The following CTSB variants were observed in gnomAD, a reference collection of about 807,000 sequenced individuals.
CTSB encodes APP secretase.
CTSB carries 57 observed loss-of-function variants against 44.3 expected under a neutral mutation model. The observed-to-expected ratio is 1.29, with a 90% CI of 1.04 to 1.60. The LOEUF is 1.60. Among genes scored for constraint, CTSB ranks in the 40% most tolerant of loss-of-function variants. The pLI is 0.00. For missense variants in CTSB, 768 were observed against 443.0 expected (o/e 1.73, Z -6.59); for synonymous variants, 320 against 168.0 (o/e 1.91, Z -7.00).
intron 2 of CTSB, among the ~76,000 whole-genome samples, chr8:11,853,095 GCACA>G (rs1814892112): frequency 6.6e-6 from 1 of 152,062 alleles, no homozygotes; most frequent in Non-Finnish European, 1.5e-5. Context: ...ACCTCCACGT[GCACA>G]CAACCATATA....
At chr8:11,849,303 C>A (rs55820571) in intron 4 of CTSB, 139 bp from the exon 5 acceptor site, 2 of 578,976 alleles carry the variant, frequency 3.5e-6, no homozygotes, top group Non-Finnish European at 6.2e-6. Flanking sequence ...TCCTGGGGCT[C>A]AAACTCAGCT....
chr8:11,845,778 G>A lies in CTSB; in HGVS notation c.805C>T (p.His269Tyr). Reference protein sequence around the residue: ...FLLYKSGVYQHVTGEMMGGHA... With the variant: ...FLLYKSGVYQYVTGEMMGGHA... ...CCACCCATCATCTCTCCGGTGACGT[G>A]TTGGTACACTCCTGAAAAGGGAAGA... The change falls in exon 9 of 10, where the codon CAC (histidine) becomes TAC (tyrosine). Residue 269 changes from histidine to tyrosine, a missense_variant. By Grantham distance (83) the His-to-Tyr change is moderately conservative. Coordinates refer to ENST00000353047, the MANE Select transcript of CTSB (RefSeq NM_001908.5). 1.2e-6 allele frequency: 2 copies of A among 1,613,618 alleles called. No individual in the cohort carries two copies.
At chr8:11,860,165 G>C (rs1259259915) in intron 1 of CTSB, among the ~76,000 whole-genome samples, 2 of 152,206 alleles carry the variant, frequency 1.3e-5, no homozygotes, top group African/African-American at 4.8e-5. Flanking sequence ...AAGGAGACAG[G>C]ATATGTACAC....
Position 11,845,168 on chromosome 8 carries a change from A to C in CTSB, c.977T>G (p.Val326Gly). The C allele has an allele frequency of 6.2e-7, 1 of 1,614,092 alleles. No homozygotes were observed. Among genetic ancestry groups the C allele is most frequent in the Non-Finnish European group, 8.5e-7 (1 of 1,179,938 alleles). ...CTGATCGGTGCGTGGAATTCCAGCCACCACTTCTGATTCGATTCCACAGTG... is the reference window on the plus strand; with the variant it reads ...CTGATCGGTGCGTGGAATTCCAGCCCCCACTTCTGATTCGATTCCACAGTG... Reference protein sequence around the residue: ...QDHCGIESEVVAGIPRTDQYW... With the variant: ...QDHCGIESEVGAGIPRTDQYW... Residue 326 changes from valine (V) to glycine (G), a missense_variant, in exon 10 of 10, where the codon GTG becomes GGG. By Grantham distance (109) the Val-to-Gly change is moderately radical. Coordinates refer to ENST00000353047, the MANE Select transcript of CTSB (RefSeq NM_001908.5).
chr8:11,844,496 TAAG>T lies in CTSB; in HGVS notation c.*626_*628del, dbSNP rs1284500734. ...CTTGGTTTCCTTTTGAGCCGCGTCA[TAAG>T]GAGGCAATCTGTAAAACTAGCACAG... On this transcript the variant is annotated 3_prime_UTR_variant, in exon 10 of 10. Transcript: ENST00000353047. The T allele has an allele frequency of 1.3e-5, 2 of 152,370 alleles. No individual in the cohort carries two copies. Among genetic ancestry groups the T allele is most frequent in the South Asian group, 2.1e-4 (1 of 4,824 alleles). 9.4% of individuals were successfully genotyped at this position (152,370 alleles called of 1,614,324 possible).
intron 3 of CTSB, among the ~76,000 whole-genome samples, chr8:11,851,312 C>T (rs891946097): frequency 6.6e-6 from 1 of 152,102 alleles, no homozygotes; most frequent in African/African-American, 2.4e-5. Context: ...GCCTCAGCCT[C>T]CTGAGTAGCT....
intron 1 of CTSB, chr8:11,853,728 G>A (rs58164566): frequency 0.12 from 49,182 of 418,954 alleles, 3,386 homozygotes; most frequent in African/African-American, 0.19. Context: ...TGTGCTGGAC[G>A]AGACCGAGTC....
In CTSB at chr8:11,844,800, C is replaced by G. The variant is rs1167170506; in HGVS notation, c.*325G>C. The G allele has an allele frequency of 3.7e-6, 1 of 267,892 alleles. No homozygotes were observed. Among genetic ancestry groups the G allele is most frequent in the East Asian group, 7.1e-5 (1 of 14,118 alleles). The allele number at this position is 267,892 out of a possible 1,614,324, so 16.6% of individuals were successfully genotyped here. A position where few individuals can be genotyped will look rare whatever the true frequency, so the allele number is the denominator to read the frequency against. The stretch of plus-strand genomic sequence containing the variant: ...CCTGTTAGGAACTCCGCTTTCCATT[C>G]CTGCGTCTCTGTCTTGCTCCCTGGA... On this transcript the variant is annotated 3_prime_UTR_variant, in exon 10 of 10. Transcript: ENST00000353047.
In CTSB at chr8:11,845,736, G is replaced by C. The variant is rs1255804208; in HGVS notation, c.847C>G (p.Leu283Val). 8 of 1,614,126 alleles carry C rather than the reference G, an allele frequency of 5.0e-6. No individual in the cohort carries two copies. Among genetic ancestry groups the C allele is most frequent in the Non-Finnish European group, 6.8e-6 (8 of 1,179,970 alleles). ...GTGCCATTCTCCACTCCCCAGCCCA[G>C]GATGCGGATGGCATGGCCACCCATC... ...EMMGGHAIRILGWGVENGTPY... is the reference protein window; with the variant it reads ...EMMGGHAIRIVGWGVENGTPY... The change falls in exon 9 of 10, where the codon CTG (leucine) becomes GTG (valine). Residue 283 changes from leucine to valine, a missense_variant. Physicochemically the swap from Leu to Val is conservative, Grantham distance 32 (BLOSUM62 1). Transcript: ENST00000353047.
At chr8:11,859,014 G>C (rs1161502217) in intron 1 of CTSB, among the ~76,000 whole-genome samples, 3 of 152,242 alleles carry the variant, frequency 2.0e-5, no homozygotes, top group South Asian at 4.2e-4. Flanking sequence ...TCCAGGATGC[G>C]GGCTGGTGGA....
intron 1 of CTSB, among the ~76,000 whole-genome samples, chr8:11,862,060 A>T (rs1270317859): frequency 1.3e-5 from 2 of 152,264 alleles, no homozygotes; most frequent in African/African-American, 2.4e-5. Flanking sequence ...ACAAAAAAAT[A>T]GCCAGGCATG....
Position 11,850,873 on chromosome 8 carries a change from G to A in CTSB, c.320C>T (p.Ser107Phe), listed in dbSNP as rs1814461306. 3.7e-6 allele frequency: 6 copies of A among 1,611,750 alleles called. No individual in the cohort carries two copies. The highest frequency in any genetic ancestry group is 1.3e-5 in the African/African-American group (1 of 74,884). ...KEIRDQGSCGSCWAFGAVEAI... is the reference protein window; with the variant it reads ...KEIRDQGSCGFCWAFGAVEAI... Reference sequence around the variant, plus strand: ...CAGCCAGCAGGGCCTTACCCAGCAGGAGCCACAGGAGCCCTGGTCTCTGAT... The same window carrying A: ...CAGCCAGCAGGGCCTTACCCAGCAGAAGCCACAGGAGCCCTGGTCTCTGAT... Residue 107 changes from serine to phenylalanine, a missense_variant, in exon 4 of 10, where the codon TCC becomes TTC. Transcript: ENST00000353047.
At position 11,848,122 on chromosome 8, in the gene CTSB, C is replaced by G; in HGVS notation, c.477G>C (p.Trp159Cys). 6.2e-7 allele frequency: 1 copy of G among 1,614,196 alleles called. No homozygotes were observed. The highest frequency in any genetic ancestry group is 8.5e-7 in the Non-Finnish European group (1 of 1,180,030). The change falls in exon 6 of 10, where the codon TGG becomes TGC. Residue 159 changes from tryptophan to cysteine, a missense_variant. Trp to Cys is a radical substitution (Grantham distance 215). Transcript: ENST00000353047. Reference protein sequence around the residue: ...GCNGGYPAEAWNFWTRKGLVS... With the variant: ...GCNGGYPAEACNFWTRKGLVS... The stretch of plus-strand genomic sequence containing the variant: ...CCAGGCCTTTTCTTGTCCAGAAGTT[C>G]CAAGCTTCAGCAGGATAGCCACCAT...
chr8:11,866,404 A>C (rs908260072), intron 1 of CTSB, among the ~76,000 whole-genome samples: 1 of 152,218 alleles, frequency 6.6e-6, no homozygotes, highest in Non-Finnish European at 1.5e-5. Context: ...GGAGCAAGGG[A>C]CCTGTGCCTT....
chr8:11,849,241 C>T (rs574791431), intron 4 of CTSB, 77 bp from the exon 5 acceptor site: 7 of 1,137,786 alleles, frequency 6.2e-6, no homozygotes, highest in African/African-American at 1.5e-5. Flanking sequence ...CAAAGGGCCA[C>T]AGGGGCACCT....
intron 9 of CTSB, 103 bp downstream of exon 9, chr8:11,845,558 C>G (rs551672408): frequency 5.0e-6 from 7 of 1,413,878 alleles, no homozygotes; most frequent in East Asian, 2.4e-5. Context: ...GCCGTAGGTC[C>G]AGGGTTTAAG....
At chr8:11,850,419 CAAAAAAAAAAAAAAA>C (rs61067792) in intron 4 of CTSB, among the ~76,000 whole-genome samples, 1 of 53,778 alleles carries the variant, frequency 1.9e-5, no homozygotes, top group African/African-American at 7.8e-5. Context: ...ACTCCATCTC[CAAAAAAAAAAAAAAA>C]AAAAAAAGAA....
chr8:11,845,030 C>T lies in CTSB; in HGVS notation c.*95G>A. 2.4e-6 allele frequency: 2 copies of T among 842,072 alleles called. No individual in the cohort carries two copies. The highest frequency in any genetic ancestry group is 2.0e-6 in the Non-Finnish European group (1 of 509,462). 52.2% of individuals were successfully genotyped at this position (842,072 alleles called of 1,614,324 possible). ...TTTGGCCAATCCAGTCCTTCAGACC[C>T]TGTCTGAAACTTGTATCTTACGTGA... On this transcript the variant is annotated 3_prime_UTR_variant, in exon 10 of 10. Coordinates refer to ENST00000353047, the MANE Select transcript of CTSB (RefSeq NM_001908.5).
intron 5 of CTSB, chr8:11,848,398 G>C (rs756592772): frequency 4.7e-6 from 3 of 638,264 alleles, no homozygotes; most frequent in South Asian, 4.6e-5. Context: ...AGGCTCTCCT[G>C]TTCATGTCCA....
Sources: allele counts gnomAD v4.1 joint callset (sites outside exome capture counted in the v4.1 genomes callset), GRCh38; gene constraint gnomAD v4.1.1; transcripts MANE v1.5; gene names NCBI Gene and HGNC (gene_info 2026-07-23, HGNC 2026-07-21).